HLCS: variants seen among roughly 807,000 people sequenced by gnomAD.
HLCS encodes holocarboxylase synthetase, also known as biotin--protein ligase.
A neutral mutation model predicts 75.0 loss-of-function variants in HLCS; 53 were observed. The observed-to-expected ratio is 0.71, with a 90% CI of 0.57 to 0.89. The LOEUF is 0.89. Among genes scored for constraint, HLCS ranks in the 40% least tolerant of loss-of-function variants. HLCS has a pLI of 0.00. For synonymous variants in HLCS, 431 were observed against 428.6 expected, an observed-to-expected ratio of 1.01 and a Z score of -0.07; for missense variants, 966 against 1,074.0, an observed-to-expected ratio of 0.90 and a Z score of 1.41.
intron 5 of HLCS, among the ~76,000 whole-genome samples, chr21:36,926,878 G>T (rs1456636268): frequency 2.0e-5 from 3 of 152,004 alleles, no homozygotes; most frequent in Admixed American, 2.0e-4. Context: ...GAGTAGCTAG[G>T]ACTACAGGTA....
intron 10 of HLCS, among the ~76,000 whole-genome samples, chr21:36,754,988 AC>A (rs932219040): frequency 6.6e-6 from 1 of 152,244 alleles, no homozygotes; most frequent in African/African-American, 2.4e-5. Flanking sequence ...GAATAGTGCA[AC>A]AAACCTCATA....
intron 6 of HLCS, among the ~76,000 whole-genome samples, chr21:36,777,333 A>T (rs2060390124): frequency 6.6e-6 from 1 of 152,208 alleles, no homozygotes; most frequent in Non-Finnish European, 1.5e-5. Flanking sequence ...GTGTCATATA[A>T]ATTTTATTCT....
intron 9 of HLCS, among the ~76,000 whole-genome samples, chr21:36,757,766 T>TA (rs1259029339): frequency 2.6e-5 from 4 of 152,180 alleles, no homozygotes; most frequent in Non-Finnish European, 5.9e-5. Flanking sequence ...AAAAAACAAG[T>TA]AACTACAGCA....
chr21:36,876,382 A>G (rs12482724), intron 6 of HLCS, among the ~76,000 whole-genome samples: 54,438 of 152,078 alleles, frequency 0.36, 11,368 homozygotes, highest in Admixed American at 0.5. Flanking sequence ...CCAAATTCGT[A>G]CATCAACTTA....
chr21:36,791,003 T>C (rs1408457803), intron 6 of HLCS, among the ~76,000 whole-genome samples: 1 of 152,190 alleles, frequency 6.6e-6, no homozygotes, highest in African/African-American at 2.4e-5. Flanking sequence ...AATGAAATGA[T>C]AGATGCAGGG....
chr21:36,907,188 G>C (rs1326333640), intron 5 of HLCS, among the ~76,000 whole-genome samples: 2 of 152,090 alleles, frequency 1.3e-5, no homozygotes, highest in African/African-American at 4.8e-5. Context: ...ATAAATCATA[G>C]ACCTAAATGT....
chr21:36,802,280 G>A (rs1026127631), intron 6 of HLCS, among the ~76,000 whole-genome samples: 1 of 152,166 alleles, frequency 6.6e-6, no homozygotes, highest in South Asian at 2.1e-4. Flanking sequence ...GAATCTCATG[G>A]GCCAGGCCTG....
intron 6 of HLCS, among the ~76,000 whole-genome samples, chr21:36,790,895 A>C (rs1276573784): frequency 6.6e-6 from 1 of 152,192 alleles, no homozygotes; most frequent in Non-Finnish European, 1.5e-5. Context: ...AAATGTTCTT[A>C]AGCCATTCCG....
At chr21:36,794,684 T>A (rs1298490299) in intron 6 of HLCS, among the ~76,000 whole-genome samples, 2 of 152,078 alleles carry the variant, frequency 1.3e-5, no homozygotes, top group African/African-American at 2.4e-5. Context: ...ATAACTAAGT[T>A]ACATTTTAAA....
intron 6 of HLCS, among the ~76,000 whole-genome samples, chr21:36,869,519 C>G (rs2063699270): frequency 6.6e-6 from 1 of 152,176 alleles, no homozygotes; most frequent in African/African-American, 2.4e-5. Flanking sequence ...TCATTTCTTT[C>G]CTAAGGATTA....
chr21:36,779,528 C>G (rs1261925952), intron 6 of HLCS, among the ~76,000 whole-genome samples: 1 of 152,170 alleles, frequency 6.6e-6, no homozygotes, highest in Non-Finnish European at 1.5e-5. Flanking sequence ...GCATTATCTA[C>G]ACTATTTATT....
intron 6 of HLCS, among the ~76,000 whole-genome samples, chr21:36,865,183 C>T (rs1022253193): frequency 7.3e-5 from 11 of 151,722 alleles, no homozygotes; most frequent in Non-Finnish European, 1.2e-4. Flanking sequence ...TCTGCTCGGG[C>T]GGATCAATCT....
chr21:36,765,291 T>G (rs1205415290), intron 7 of HLCS, 119 bp from the exon 8 acceptor site: 1 of 943,040 alleles, frequency 1.1e-6, no homozygotes, highest in Non-Finnish European at 1.7e-6. Context: ...CTTATTGTAT[T>G]ACAACGCTTA....
intron 6 of HLCS, among the ~76,000 whole-genome samples, chr21:36,877,911 T>A (rs188560872): frequency 3.3e-4 from 51 of 152,316 alleles, no homozygotes; most frequent in African/African-American, 1.1e-3. Flanking sequence ...CACTCTCTTC[T>A]GGCTTTAATA....
intron 6 of HLCS, among the ~76,000 whole-genome samples, chr21:36,869,616 A>G (rs1191969904): frequency 6.6e-6 from 1 of 152,226 alleles, no homozygotes; most frequent in African/African-American, 2.4e-5. Context: ...AAGAAATTTC[A>G]TGATACACGG....
chr21:36,941,611 T>G (rs778863562), intron 2 of HLCS, among the ~76,000 whole-genome samples: 5 of 152,212 alleles, frequency 3.3e-5, no homozygotes, highest in Admixed American at 6.5e-5. Flanking sequence ...GCATGGTGGC[T>G]CATGCCTGTA....
chr21:36,907,636 A>G (rs1310976004), intron 5 of HLCS, among the ~76,000 whole-genome samples: 1 of 152,180 alleles, frequency 6.6e-6, no homozygotes, highest in Admixed American at 6.5e-5. Context: ...TGGGCGACAG[A>G]GCGAGACTCC....
At chr21:36,837,729 A>G (rs1173831588) in intron 6 of HLCS, among the ~76,000 whole-genome samples, 3 of 152,174 alleles carry the variant, frequency 2.0e-5, no homozygotes, top group African/African-American at 7.2e-5. Flanking sequence ...TTTTAGGGAA[A>G]TTTGCAAGTC....
chr21:36,888,444 AAATAT>A (rs1419017046), intron 6 of HLCS, among the ~76,000 whole-genome samples: 44 of 25,512 alleles, frequency 1.7e-3, no homozygotes, highest in African/African-American at 2.5e-3. Flanking sequence ...AAAAAAAAAA[AAATAT>A]ATATATATAT....
Sources: gnomAD v4.1 joint callset for allele counts (sites outside exome capture counted in the v4.1 genomes callset) on GRCh38, gnomAD v4.1.1 for gene constraint, MANE v1.5 for transcripts, NCBI Gene and HGNC (gene_info 2026-07-23, HGNC 2026-07-21) for gene names.